The following CTNNA3 variants were observed in gnomAD, a reference collection of about 807,000 sequenced individuals.
The protein encoded by CTNNA3 is catenin alpha 3.
In CTNNA3, 76 loss-of-function variants were observed where a neutral mutation model predicts 95.7. The ratio of observed to expected loss-of-function variants is 0.79; its 90% CI spans 0.66 to 0.96. The LOEUF is 0.96. CTNNA3 is among the 40% of genes least tolerant of loss of function. The pLI is 0.00. For synonymous variants in CTNNA3, 431 were observed against 374.4 expected, an observed-to-expected ratio of 1.15 and a Z score of -1.74; for missense variants, 1,191 against 1,089.8, an observed-to-expected ratio of 1.09 and a Z score of -1.31.
At chr10:66,731,149 T>C (rs12774061) in intron 9 of CTNNA3, among the ~76,000 whole-genome samples, 59,105 of 152,048 alleles carry the variant, frequency 0.39, 11,922 homozygotes, top group Non-Finnish European at 0.43. Context: ...GGGGAATTCA[T>C]ATTTGATTCC....
intron 11 of CTNNA3, among the ~76,000 whole-genome samples, chr10:66,409,348 C>T (rs1459471098): frequency 6.6e-6 from 1 of 151,968 alleles, no homozygotes; most frequent in Non-Finnish European, 1.5e-5. Flanking sequence ...ATTTTCACTT[C>T]ACCTCATCTC....
At chr10:67,664,722 TAA>T (rs1840287282) in intron 1 of CTNNA3, among the ~76,000 whole-genome samples, 1 of 152,200 alleles carries the variant, frequency 6.6e-6, no homozygotes, top group South Asian at 2.1e-4. Context: ...AAGGAATAAA[TAA>T]AGAGTCATTC....
rs546946561 is a variant in CTNNA3 at position 67,416,099 on chromosome 10, T to C, written c.579+105743A>G. On this transcript the variant is annotated intron_variant, in intron 5 of 17. Coordinates refer to ENST00000433211, the MANE Select transcript of CTNNA3 (RefSeq NM_013266.4). ...AACATTGGCCTTGGCAAAGAATTTA[T>C]GGCTAAGTCCCCAAATGCAACTGCA... is the stretch of plus-strand genomic sequence containing the variant. 5.3e-5 allele frequency among the ~76,000 whole-genome samples: 8 copies of C among 152,228 alleles called. No homozygotes were observed. The East Asian group carries it at 1.4e-3, about 26-fold the overall frequency.
chr10:67,521,440 A>T (rs192556315), intron 5 of CTNNA3, among the ~76,000 whole-genome samples: 25 of 152,298 alleles, frequency 1.6e-4, no homozygotes, highest in Middle Eastern at 3.4e-3. Flanking sequence ...TATTTTCCTT[A>T]ATGTTGCATG....
chr10:66,481,237 A>G (rs1839513684), intron 11 of CTNNA3, among the ~76,000 whole-genome samples: 1 of 152,148 alleles, frequency 6.6e-6, no homozygotes, highest in African/African-American at 2.4e-5. Context: ...CTGAGAGGGT[A>G]TTTAAAAATA....
chr10:67,359,240 A>T (rs992472532), intron 5 of CTNNA3, among the ~76,000 whole-genome samples: 5 of 130,238 alleles, frequency 3.8e-5, no homozygotes, highest in Admixed American at 7.5e-5. Context: ...ACATAACTTT[A>T]AAAAAAAAAA....
At chr10:66,571,872 C>A (rs12248465) in intron 10 of CTNNA3, among the ~76,000 whole-genome samples, 40,795 of 152,022 alleles carry the variant, frequency 0.27, 6,023 homozygotes, top group Middle Eastern at 0.43. Flanking sequence ...AGGCACAATG[C>A]AGATGATTAA....
intron 9 of CTNNA3, among the ~76,000 whole-genome samples, chr10:66,710,337 G>T (rs1848250856): frequency 6.6e-6 from 1 of 152,200 alleles, no homozygotes; most frequent in African/African-American, 2.4e-5. Flanking sequence ...TTATAATCAT[G>T]AATGAAATTT....
intron 9 of CTNNA3, among the ~76,000 whole-genome samples, chr10:66,762,246 G>A (rs1043624401): frequency 1.3e-5 from 2 of 152,046 alleles, no homozygotes; most frequent in African/African-American, 2.4e-5. Context: ...GGGAGGATAT[G>A]AACACATTTG....
chr10:67,329,714 G>A (rs1246888867), intron 5 of CTNNA3, among the ~76,000 whole-genome samples: 1 of 152,184 alleles, frequency 6.6e-6, no homozygotes, highest in Admixed American at 6.5e-5. Flanking sequence ...CACAAATAGT[G>A]AAGCTACTTA....
At chr10:67,500,201 T>C (rs11497965) in intron 5 of CTNNA3, among the ~76,000 whole-genome samples, 10,969 of 152,306 alleles carry the variant, frequency 0.072, 477 homozygotes, top group South Asian at 0.14. Flanking sequence ...CCAGTAGTCA[T>C]TCAGGAGCAG....
At chr10:66,957,912 A>G (rs182687477) in intron 7 of CTNNA3, among the ~76,000 whole-genome samples, 3 of 152,060 alleles carry the variant, frequency 2.0e-5, no homozygotes, top group Admixed American at 2.0e-4. Context: ...ACGCATATGA[A>G]CCCTACATAT....
intron 13 of CTNNA3, among the ~76,000 whole-genome samples, chr10:66,235,703 T>A (rs1373133916): frequency 6.6e-6 from 1 of 152,092 alleles, no homozygotes; most frequent in Non-Finnish European, 1.5e-5. Context: ...AGATCCGCCA[T>A]GAACATATCC....
intron 12 of CTNNA3, among the ~76,000 whole-genome samples, chr10:66,314,420 G>T (rs1410313761): frequency 1.3e-5 from 2 of 150,386 alleles, no homozygotes; most frequent in African/African-American, 4.8e-5. Flanking sequence ...ATCATGTGTG[G>T]AAAACATCTG....
chr10:66,652,319 A>G (rs1253925737), intron 9 of CTNNA3, among the ~76,000 whole-genome samples: 2 of 152,134 alleles, frequency 1.3e-5, no homozygotes, highest in African/African-American at 4.8e-5. Flanking sequence ...GGACATTACA[A>G]CTGATACCAC....
chr10:66,464,115 C>T lies in CTNNA3; in HGVS notation c.1531+56502G>A, dbSNP rs907640481. Among the ~76,000 whole-genome samples the T allele has an allele frequency of 3.9e-5, 6 of 151,976 alleles. No homozygotes were observed. The South Asian group carries it at 1.0e-3, about 26-fold the overall frequency. On this transcript the variant is annotated intron_variant, in intron 11 of 17. Coordinates refer to ENST00000433211, the MANE Select transcript of CTNNA3 (RefSeq NM_013266.4). ...AGTTACGGGAAAGGGAAAGTATGTTCGTTAGGCAAAATTCCATGAAATAAA... is the reference window on the plus strand; with the variant it reads ...AGTTACGGGAAAGGGAAAGTATGTTTGTTAGGCAAAATTCCATGAAATAAA...
intron 7 of CTNNA3, among the ~76,000 whole-genome samples, chr10:67,132,412 T>C (rs1465610418): frequency 6.6e-6 from 1 of 152,044 alleles, no homozygotes; most frequent in African/African-American, 2.4e-5. Context: ...AAACCTGGTG[T>C]AAATTAAGAG....
intron 5 of CTNNA3, among the ~76,000 whole-genome samples, chr10:67,421,646 T>C (rs1564638580): frequency 6.6e-6 from 1 of 152,210 alleles, no homozygotes; most frequent in Non-Finnish European, 1.5e-5. Context: ...ATCTGAATAA[T>C]GATTTCTTCT....
At chr10:66,317,907 C>A (rs547782769) in intron 12 of CTNNA3, among the ~76,000 whole-genome samples, 126 of 152,082 alleles carry the variant, frequency 8.3e-4, no homozygotes, top group African/African-American at 2.9e-3. Flanking sequence ...ATTACATTCA[C>A]TAATGGATTC....
Sources: gnomAD v4.1 joint callset for allele counts (sites outside exome capture counted in the v4.1 genomes callset) on GRCh38, gnomAD v4.1.1 for gene constraint, MANE v1.5 for transcripts, NCBI Gene and HGNC (gene_info 2026-07-23, HGNC 2026-07-21) for gene names.